Variants in SOX5 observed in about 807,000 individuals in gnomAD.
SOX5 encodes the protein transcription factor SOX-5.
A neutral mutation model predicts 92.0 loss-of-function variants in SOX5; 9 were observed. That is an observed-to-expected ratio of 0.10 (90% CI 0.06 to 0.17). SOX5 has a LOEUF of 0.17. Ranked by LOEUF, SOX5 falls within the 10% of genes least tolerant of loss-of-function variation. The pLI, the probability that SOX5 is intolerant of heterozygous loss-of-function variation, is 1.00. For synonymous variants in SOX5, 344 were observed against 336.3 expected, an observed-to-expected ratio of 1.02 and a Z score of -0.25; for missense variants, 642 against 944.5, an observed-to-expected ratio of 0.68 and a Z score of 4.20.
chr12:24,013,549 A>G (rs189924517), intron 4 of SOX5, among the ~76,000 whole-genome samples: 66 of 152,324 alleles, frequency 4.3e-4, no homozygotes, highest in Non-Finnish European at 4.4e-5. Context: ...TTTAATAACA[A>G]TGTGAAATTT....
At chr12:23,675,453 G>T (rs549585927) in intron 6 of SOX5, among the ~76,000 whole-genome samples, 1 of 152,230 alleles carries the variant, frequency 6.6e-6, no homozygotes, top group South Asian at 2.1e-4. Context: ...ATGTGGAAAG[G>T]ATAGTCTCTT....
In SOX5 at chr12:23,896,001, G is replaced by C. The variant is rs2097173465; in HGVS notation, c.62C>G (p.Ser21Cys). The C allele has an allele frequency of 1.2e-6, 2 of 1,613,914 alleles. No homozygotes were observed. The change falls in exon 2 of 15, where the codon TCT becomes TGT. Residue 21 changes from serine to cysteine, a missense_variant. By Grantham distance (112) the Ser-to-Cys change is moderately radical (BLOSUM62 -1). Transcript: ENST00000451604. ...FERMSSKRPA[S>C]PYGEADGEVA... ...CTCTCCATCTGCTTCCCCATACGGA[G>C]AGGCTGGTCGCTTGGAAGACATCCT...
chr12:23,859,136 G>A (rs919418719), intron 2 of SOX5, among the ~76,000 whole-genome samples: 11 of 152,136 alleles, frequency 7.2e-5, no homozygotes, highest in African/African-American at 1.9e-4. Context: ...GAATAACAGC[G>A]ATTTTCAGGG....
intron 3 of SOX5, among the ~76,000 whole-genome samples, chr12:24,251,305 G>A (rs1002416112): frequency 1.9e-4 from 29 of 152,266 alleles, no homozygotes; most frequent in African/African-American, 6.7e-4. Flanking sequence ...GTATGTTAAG[G>A]TTGAACAACT....
Position 23,533,165 on chromosome 12 carries a change from A to T in SOX5, c.*1054T>A. On this transcript the variant is annotated 3_prime_UTR_variant, in exon 15 of 15. Transcript: ENST00000451604. Reference sequence around the variant, plus strand: ...ATTATTTCTAGACCAGTCACTTGGGAGGATGTGGGATTTCATCCCCAGATG... The same window carrying T: ...ATTATTTCTAGACCAGTCACTTGGGTGGATGTGGGATTTCATCCCCAGATG... 2.2e-6 allele frequency: 1 copy of T among 456,556 alleles called. No individual in the cohort carries two copies. Among genetic ancestry groups the T allele is most frequent in the South Asian group, 1.5e-5 (1 of 64,548 alleles). 28.3% of individuals were successfully genotyped at this position (456,556 alleles called of 1,614,324 possible). A position where few individuals can be genotyped will look rare whatever the true frequency, so the allele number is the denominator to read the frequency against.
chr12:24,105,524 G>C (rs1383533571), intron 4 of SOX5, among the ~76,000 whole-genome samples: 4 of 152,168 alleles, frequency 2.6e-5, no homozygotes, highest in Non-Finnish European at 5.9e-5. Context: ...CTGGGTGACA[G>C]AGCAAGACTC....
intron 3 of SOX5, among the ~76,000 whole-genome samples, chr12:23,789,237 A>G (rs964594661): frequency 2.0e-5 from 3 of 151,916 alleles, no homozygotes; most frequent in Non-Finnish European, 2.9e-5. Context: ...TTGAAATAAA[A>G]AAAAAAAACA....
intron 4 of SOX5, among the ~76,000 whole-genome samples, chr12:24,041,721 T>C (rs1956544698): frequency 1.3e-5 from 2 of 152,128 alleles, no homozygotes; most frequent in African/African-American, 2.4e-5. Flanking sequence ...AAAATTGCTA[T>C]ACATGCTCAG....
Position 24,116,973 on chromosome 12 carries a change from C to CAA in SOX5, c.-2+96368_-2+96369dup, listed in dbSNP as rs3031105. Among the ~76,000 whole-genome samples the CAA allele has an allele frequency of 8.2e-3, 1,038 of 126,866 alleles. 5 individuals carry two copies. Among genetic ancestry groups the CAA allele is most frequent in the Non-Finnish European group, 0.011 (627 of 58,334 alleles). 83.2% of individuals were successfully genotyped at this position (126,866 alleles called of 152,430 possible). A position where few individuals can be genotyped will look rare whatever the true frequency, so the allele number is the denominator to read the frequency against. Reference sequence around the variant, plus strand: ...AACTTTATCCAATTATCTAAAAATGCAAAAAAAAAAAAAAATCTGCACAGC... The same window carrying CAA: ...AACTTTATCCAATTATCTAAAAATGCAAAAAAAAAAAAAAAAATCTGCACAGC... On this transcript the variant is annotated intron_variant, in intron 4 of 4. Transcript: ENST00000446891.
chr12:24,075,546 G>A (rs1156916504), intron 4 of SOX5, among the ~76,000 whole-genome samples: 2 of 152,076 alleles, frequency 1.3e-5, no homozygotes, highest in African/African-American at 4.8e-5. Context: ...ATAAGGGGTA[G>A]AGCCATAATC....
intron 5 of SOX5, among the ~76,000 whole-genome samples, chr12:23,740,473 A>C (rs1315312477): frequency 1.3e-5 from 2 of 152,186 alleles, no homozygotes; most frequent in Admixed American, 6.6e-5. Flanking sequence ...CCCCAGCTGG[A>C]AACTCACTTT....
chr12:23,715,809 C>CCAA (rs1555285645), intron 6 of SOX5, among the ~76,000 whole-genome samples: 2 of 72,808 alleles, frequency 2.7e-5, no homozygotes, highest in African/African-American at 9.8e-5. Flanking sequence ...AGTAATTTCC[C>CCAA]AAAAAAAAAA....
At chr12:23,703,255 T>G (rs1028102309) in intron 6 of SOX5, among the ~76,000 whole-genome samples, 1 of 152,002 alleles carries the variant, frequency 6.6e-6, no homozygotes. Flanking sequence ...AGTGAAACAA[T>G]AGCTGCCAGC....
At chr12:24,095,118 CACACACACACAGAGAGAG>C (rs1476509543) in intron 4 of SOX5, among the ~76,000 whole-genome samples, 26 of 82,734 alleles carry the variant, frequency 3.1e-4, no homozygotes, top group African/African-American at 7.5e-4. Flanking sequence ...CACACACACA[CACACACACACAGAGAGAG>C]AGAGAGAGAG....
At chr12:24,505,860 T>TGTGTGTGTGTGTGCGCGC (rs1555327820) in intron 1 of SOX5, among the ~76,000 whole-genome samples, 26 of 123,948 alleles carry the variant, frequency 2.1e-4, no homozygotes, top group African/African-American at 4.2e-4. Flanking sequence ...TGTGCGTGTG[T>TGTGTGTGTGTGTGCGCGC]GTGTGTGTGT....
chr12:23,559,872 A>G (rs991934497), intron 11 of SOX5, among the ~76,000 whole-genome samples: 1 of 151,224 alleles, frequency 6.6e-6, no homozygotes, highest in Non-Finnish European at 1.5e-5. Context: ...CTCACTCCTT[A>G]CCTTACACAT....
intron 2 of SOX5, among the ~76,000 whole-genome samples, chr12:23,856,166 C>T (rs887472892): frequency 2.0e-5 from 3 of 152,214 alleles, no homozygotes; most frequent in South Asian, 2.1e-4. Context: ...TTAGCGGGCC[C>T]ATAAGGACCA....
intron 1 of SOX5, among the ~76,000 whole-genome samples, chr12:23,907,765 C>T (rs747105424): frequency 1.3e-5 from 2 of 151,600 alleles, no homozygotes; most frequent in African/African-American, 2.4e-5. Flanking sequence ...AAAAATGTTT[C>T]GAGTAGGAAA....
At chr12:23,992,543 G>T (rs949939430) in intron 4 of SOX5, among the ~76,000 whole-genome samples, 3 of 152,006 alleles carry the variant, frequency 2.0e-5, no homozygotes, top group Admixed American at 6.6e-5. Context: ...TTCCATAAAT[G>T]CATCATCTAC....
Sources: gnomAD v4.1 joint callset for allele counts (sites outside exome capture counted in the v4.1 genomes callset) on GRCh38, gnomAD v4.1.1 for gene constraint, MANE v1.5 for transcripts, NCBI Gene and HGNC (gene_info 2026-07-23, HGNC 2026-07-21) for gene names.